GFPT2: variants seen among roughly 807,000 people sequenced by gnomAD.
The protein encoded by GFPT2 is glutamine--fructose-6-phosphate transaminase 2, also known as glutamine--fructose-6-phosphate aminotransferase [isomerizing] 2.
In GFPT2, 62 loss-of-function variants were observed where a neutral mutation model predicts 85.6. The ratio of observed to expected loss-of-function variants is 0.72; its 90% CI spans 0.59 to 0.90. The LOEUF is 0.90. Ranked by LOEUF, GFPT2 falls within the 40% of genes least tolerant of loss-of-function variation. The pLI is 0.00. For missense variants in GFPT2, 788 were observed against 893.4 expected, an observed-to-expected ratio of 0.88 and a Z score of 1.50; for synonymous variants, 368 against 344.5, an observed-to-expected ratio of 1.07 and a Z score of -0.75.
At chr5:180,350,433 G>A (rs1016098335) in intron 1 of GFPT2, among the ~76,000 whole-genome samples, 5 of 152,214 alleles carry the variant, frequency 3.3e-5, no homozygotes, top group African/African-American at 1.2e-4. Context: ...GCTGTAGCCC[G>A]TGCTCAAGGT....
chr5:180,303,208 C>T (rs1404681644), intron 17 of GFPT2, among the ~76,000 whole-genome samples: 27 of 143,798 alleles, frequency 1.9e-4, no homozygotes, highest in Middle Eastern at 3.6e-3. Context: ...CCAGCCTGGG[C>T]GACAGAGCCA....
intron 1 of GFPT2, among the ~76,000 whole-genome samples, chr5:180,343,530 C>G (rs1455701889): frequency 1.3e-5 from 2 of 152,248 alleles, no homozygotes; most frequent in South Asian, 2.1e-4. Flanking sequence ...ACCACGAGCC[C>G]TCTTGCGTAG....
At chr5:180,340,636 C>G (rs1202548146) in intron 1 of GFPT2, among the ~76,000 whole-genome samples, 1 of 151,904 alleles carries the variant, frequency 6.6e-6, no homozygotes, top group African/African-American at 2.4e-5. Context: ...CTCAGCCTCC[C>G]GAGTAGCTGG....
At chr5:180,350,780 T>C (rs1194094631) in intron 1 of GFPT2, among the ~76,000 whole-genome samples, 1 of 152,196 alleles carries the variant, frequency 6.6e-6, no homozygotes, top group East Asian at 1.9e-4. Context: ...AATCATCTGC[T>C]GTTTGTAGAG....
intron 14 of GFPT2, 121 bp downstream of exon 14, chr5:180,313,686 G>C: frequency 1.5e-6 from 1 of 664,706 alleles, no homozygotes; most frequent in Non-Finnish European, 2.4e-6. Flanking sequence ...GAGAGAAGGG[G>C]TGAGGCGGGA....
chr5:180,348,732 C>CTTTTTTTTTTTT (rs11322913), intron 1 of GFPT2, among the ~76,000 whole-genome samples: 2 of 139,810 alleles, frequency 1.4e-5, no homozygotes, highest in East Asian at 2.1e-4. Flanking sequence ...CATTTCTTTT[C>CTTTTTTTTTTTT]TTTTTTTTTT....
At position 180,328,143 on chromosome 5, in the gene GFPT2, T is replaced by C; in HGVS notation, c.596+134A>G. 1.5e-6 allele frequency: 1 copy of C among 645,188 alleles called. No homozygotes were observed. Among genetic ancestry groups the C allele is most frequent in the Non-Finnish European group, 2.8e-6 (1 of 358,210 alleles). 40.0% of individuals were successfully genotyped at this position (645,188 alleles called of 1,614,324 possible). A position where few individuals can be genotyped will look rare whatever the true frequency, so the allele number is the denominator to read the frequency against. On this transcript the variant is annotated intron_variant, in intron 7 of 18. Transcript: ENST00000253778. The surrounding 1 kb of genome is among the most constrained non-coding windows in gnomAD (Gnocchi z 5.4). ...GATGGTGGGGCGCGGTCCCCGGGGCTGAGCCACAGTTGTTCTTTAGACACC... is the reference window on the plus strand; with the variant it reads ...GATGGTGGGGCGCGGTCCCCGGGGCCGAGCCACAGTTGTTCTTTAGACACC...
intron 4 of GFPT2, among the ~76,000 whole-genome samples, chr5:180,335,486 C>G (rs1157177223): frequency 6.6e-6 from 1 of 152,232 alleles, no homozygotes; most frequent in Non-Finnish European, 1.5e-5. Flanking sequence ...ATTTCCGTCA[C>G]TTGGGGAGGA....
chr5:180,320,025 C>T (rs577054855), intron 9 of GFPT2, among the ~76,000 whole-genome samples: 1 of 152,258 alleles, frequency 6.6e-6, no homozygotes, highest in East Asian at 1.9e-4. Flanking sequence ...CAGAGTCTCG[C>T]TCTGTCGCCC....
intron 18 of GFPT2, among the ~76,000 whole-genome samples, chr5:180,302,180 G>A (rs372093365): frequency 3.3e-5 from 5 of 150,808 alleles, no homozygotes; most frequent in Non-Finnish European, 5.9e-5. Flanking sequence ...CCAGCTACTC[G>A]GGAGGCTGAG....
chr5:180,325,275 T>A (rs962933080), intron 7 of GFPT2, among the ~76,000 whole-genome samples: 2 of 152,172 alleles, frequency 1.3e-5, no homozygotes, highest in Non-Finnish European at 2.9e-5. Flanking sequence ...CCACCCAGCC[T>A]CGACGGCAGC....
At chr5:180,341,823 A>C (rs1250085114) in intron 1 of GFPT2, among the ~76,000 whole-genome samples, 1 of 152,172 alleles carries the variant, frequency 6.6e-6, no homozygotes, top group Non-Finnish European at 1.5e-5. Flanking sequence ...ACTGCTGCTG[A>C]GTATTTATGG....
chr5:180,350,690 A>C (rs115839003), intron 1 of GFPT2, among the ~76,000 whole-genome samples: 28,314 of 152,176 alleles, frequency 0.19, 2,949 homozygotes, highest in East Asian at 0.26. Flanking sequence ...GAAAGTCAGC[A>C]AAATGCCAGC....
At chr5:180,327,791 T>C (rs1364096775) in intron 7 of GFPT2, among the ~76,000 whole-genome samples, 1 of 152,126 alleles carries the variant, frequency 6.6e-6, no homozygotes, top group African/African-American at 2.4e-5. Flanking sequence ...GCAAGCAGGC[T>C]CTCTGAGCCG....
chr5:180,303,813 T>C (rs1763723310), intron 17 of GFPT2, among the ~76,000 whole-genome samples: 1 of 152,146 alleles, frequency 6.6e-6, no homozygotes, highest in Non-Finnish European at 1.5e-5. Context: ...GCATCTTTGT[T>C]ATTTATGGGA....
intron 4 of GFPT2, 167 bp from the exon 5 acceptor site, chr5:180,331,720 A>C: frequency 1.5e-6 from 1 of 646,482 alleles, no homozygotes; most frequent in South Asian, 1.6e-5. Flanking sequence ...GGCAGCAACT[A>C]CAGTGGAACC....
At position 180,336,522 on chromosome 5, in the gene GFPT2, G is replaced by C; in HGVS notation, c.171C>G (p.Val57=). The C allele has an allele frequency of 6.2e-7, 1 of 1,611,558 alleles. No homozygotes were observed. Residue 57 remains valine, a synonymous_variant, in exon 3 of 19, where the codon GTC becomes GTG. Coordinates refer to ENST00000253778, the MANE Select transcript of GFPT2 (RefSeq NM_005110.4). ...HEVKERHIQL[V]KKRGKVKALD... is the part of the protein sequence containing the mutation. ...GAGCCTTGACTTTCCCCCTTTTCTT[G>C]ACCAGCTGAATGTGTCTTTCTTTGA... is the stretch of plus-strand genomic sequence containing the variant.
At chr5:180,307,587 CAG>C (rs146155211) in intron 15 of GFPT2, among the ~76,000 whole-genome samples, 22,125 of 152,036 alleles carry the variant, frequency 0.15, 1,767 homozygotes, top group East Asian at 0.22. Flanking sequence ...AACTGAGGCT[CAG>C]AGAGGCAAAA....
intron 1 of GFPT2, among the ~76,000 whole-genome samples, chr5:180,350,409 C>A (rs997491114): frequency 6.6e-6 from 1 of 152,208 alleles, no homozygotes; most frequent in Admixed American, 6.5e-5. Context: ...CCTGTTCGGC[C>A]AGTACTCTAC....
Sources: allele counts gnomAD v4.1 joint callset (sites outside exome capture counted in the v4.1 genomes callset), GRCh38; gene constraint gnomAD v4.1.1; non-coding constraint Gnocchi (gnomAD v3.1); transcripts MANE v1.5; gene names NCBI Gene and HGNC (gene_info 2026-07-23, HGNC 2026-07-21).